The following NTSR1 variants were observed in gnomAD, a reference collection of about 807,000 sequenced individuals.
NTSR1 encodes the protein neurotensin receptor type 1.
Under a neutral mutation model 31.2 loss-of-function variants are expected in NTSR1, and 29 were observed. The observed-to-expected ratio is 0.93, with a 90% CI of 0.69 to 1.27. The LOEUF is 1.27. NTSR1 is among the 50% of genes most tolerant of loss of function. The pLI is 0.00. For synonymous variants in NTSR1, 282 were observed against 269.9 expected (o/e 1.04, Z -0.44); for missense variants, 697 against 595.4 (o/e 1.17, Z -1.78).
In NTSR1 at chr20:62,762,585, G is replaced by T. The variant is rs1248861060; in HGVS notation, c.*2318G>T. ...CTAGCTTGCGGCCAGGTCATGATGTGGCCCCGGAAGCTGGCCCTGCGTGCC... is the reference window on the plus strand; with the variant it reads ...CTAGCTTGCGGCCAGGTCATGATGTTGCCCCGGAAGCTGGCCCTGCGTGCC... On this transcript the variant is annotated 3_prime_UTR_variant, in exon 4 of 4. Coordinates refer to ENST00000370501, the MANE Select transcript of NTSR1 (RefSeq NM_002531.3). 1 of 152,142 alleles carries T rather than the reference G, an allele frequency of 6.6e-6. No homozygotes were observed. Among genetic ancestry groups the T allele is most frequent in the Non-Finnish European group, 1.5e-5 (1 of 68,028 alleles). The allele number at this position is 152,142 out of a possible 1,614,324, so 9.4% of individuals were successfully genotyped here. A position where few individuals can be genotyped will look rare whatever the true frequency, so the allele number is the denominator to read the frequency against.
intron 1 of NTSR1, among the ~76,000 whole-genome samples, chr20:62,726,250 A>G (rs1176181456): frequency 1.3e-5 from 2 of 152,206 alleles, no homozygotes; most frequent in East Asian, 3.8e-4. Context: ...AAACCCAAGC[A>G]CAGGACTCGG....
Position 62,760,069 on chromosome 20 carries a change from C to G in NTSR1, c.1059C>G (p.Phe353Leu). Residue 353 changes from phenylalanine (F) to leucine (L), a missense_variant, in exon 4 of 4, where the codon TTC becomes TTG. Phe to Leu is a conservative substitution (Grantham distance 22). Coordinates refer to ENST00000370501, the MANE Select transcript of NTSR1 (RefSeq NM_002531.3). ...HYFYMVTNAL[F>L]YVSSTINPIL... ...TCTACATGGTGACCAACGCACTCTT[C>G]TACGTCAGCTCCACCATCAACCCCA... 4 of 1,614,136 alleles carry G rather than the reference C, an allele frequency of 2.5e-6. No homozygotes were observed. Among genetic ancestry groups the G allele is most frequent in the Non-Finnish European group, 3.4e-6 (4 of 1,179,994 alleles).
intron 3 of NTSR1, among the ~76,000 whole-genome samples, chr20:62,759,457 G>A (rs1305429316): frequency 6.6e-6 from 1 of 152,226 alleles, no homozygotes; most frequent in Non-Finnish European, 1.5e-5. Context: ...GGATGGACAA[G>A]CAGAGCCCAC....
At position 62,711,745 on chromosome 20, in the gene NTSR1, T is replaced by TGGG. The variant is rs1988620326; in HGVS notation, c.714+1825_714+1827dup. On this transcript the variant is annotated intron_variant, in intron 1 of 3. Coordinates refer to ENST00000370501, the MANE Select transcript of NTSR1 (RefSeq NM_002531.3). The surrounding 1 kb of genome is among the most constrained non-coding windows in gnomAD (Gnocchi z 6.4). The stretch of plus-strand genomic sequence containing the variant: ...CCGGAAAGTGTCCTCCCCGCGTGCG[T>TGGG]GGGCTCTCTGCCAGGTACTTGGGAT... Among the ~76,000 whole-genome samples the TGGG allele has an allele frequency of 1.3e-5, 2 of 152,152 alleles. No homozygotes were observed. Among genetic ancestry groups the TGGG allele is most frequent in the Non-Finnish European group, 2.9e-5 (2 of 68,014 alleles).
chr20:62,736,480 G>A (rs1200312339), intron 1 of NTSR1, among the ~76,000 whole-genome samples: 1 of 152,268 alleles, frequency 6.6e-6, no homozygotes, highest in Non-Finnish European at 1.5e-5. Flanking sequence ...TGGGGAACCA[G>A]GAGAGGGGGT....
chr20:62,761,602 C>T lies in NTSR1; in HGVS notation c.*1335C>T, dbSNP rs766642039. On this transcript the variant is annotated 3_prime_UTR_variant, in exon 4 of 4. Coordinates refer to ENST00000370501, the MANE Select transcript of NTSR1 (RefSeq NM_002531.3). Reference sequence around the variant, plus strand: ...AGGAAGCAAAAGTCAGCCTTTTCTTCAAGGGATTTCCCTGTCTCAGAGCAG... The same window carrying T: ...AGGAAGCAAAAGTCAGCCTTTTCTTTAAGGGATTTCCCTGTCTCAGAGCAG... The T allele has an allele frequency of 1.3e-5, 2 of 152,244 alleles. No individual in the cohort carries two copies. Among genetic ancestry groups the T allele is most frequent in the Non-Finnish European group, 2.9e-5 (2 of 68,052 alleles). The allele number at this position is 152,244 out of a possible 1,614,324, so 9.4% of individuals were successfully genotyped here.
At chr20:62,736,734 C>T (rs1989101239) in intron 1 of NTSR1, among the ~76,000 whole-genome samples, 1 of 152,258 alleles carries the variant, frequency 6.6e-6, no homozygotes, top group Non-Finnish European at 1.5e-5. Flanking sequence ...GCCACATGCA[C>T]ACACCTGGCG....
At chr20:62,720,780 C>T (rs1163682106) in intron 1 of NTSR1, among the ~76,000 whole-genome samples, 1 of 152,034 alleles carries the variant, frequency 6.6e-6, no homozygotes, top group Non-Finnish European at 1.5e-5. Flanking sequence ...ACATGAAATG[C>T]TATAAACATC....
rs1373522820 is a variant in NTSR1 at position 62,732,360 on chromosome 20, C to A, written c.715-22325C>A. Among the ~76,000 whole-genome samples, 1 of 152,176 alleles carries A rather than the reference C, an allele frequency of 6.6e-6. No homozygotes were observed. The highest frequency in any genetic ancestry group is 1.5e-5 in the Non-Finnish European group (1 of 68,034). On this transcript the variant is annotated intron_variant, in intron 1 of 3. Coordinates refer to ENST00000370501, the MANE Select transcript of NTSR1 (RefSeq NM_002531.3). The surrounding 1 kb of genome is among the most constrained non-coding windows in gnomAD (Gnocchi z 4.0). ...CAAGCTGAGGGAGTTCCCTTGTATT[C>A]CTGGCTTGTGAAAGGTTTTTCTCAC...
rs780926789 is a variant in NTSR1 at position 62,760,066 on chromosome 20, C to T, written c.1056C>T (p.Leu352=). ...ACTTCTACATGGTGACCAACGCACT[C>T]TTCTACGTCAGCTCCACCATCAACC... ...YHYFYMVTNA[L]FYVSSTINPI... is the part of the protein sequence containing the mutation. Residue 352 remains leucine (L), a synonymous_variant, in exon 4 of 4, where the codon CTC becomes CTT. Coordinates refer to ENST00000370501, the MANE Select transcript of NTSR1 (RefSeq NM_002531.3). 1.1e-5 allele frequency: 17 copies of T among 1,614,128 alleles called. No homozygotes were observed. Among genetic ancestry groups the T allele is most frequent in the Admixed American group, 3.3e-5 (2 of 60,020 alleles).
rs1019469400 is a variant in NTSR1, at chr20:62,742,854, C to T, written c.715-11831C>T. ...CCATCCCTCTCCCCGCAGTGTTTCCCCAGTTCCAGGGCTGTGAGGTGGTCA... is the reference window on the plus strand; with the variant it reads ...CCATCCCTCTCCCCGCAGTGTTTCCTCAGTTCCAGGGCTGTGAGGTGGTCA... On this transcript the variant is annotated intron_variant, in intron 1 of 3. Transcript: ENST00000370501. The surrounding 1 kb of genome is among the most constrained non-coding windows in gnomAD (Gnocchi z 7.1). Among the ~76,000 whole-genome samples, 1 of 149,506 alleles carries T rather than the reference C, an allele frequency of 6.7e-6. No homozygotes were observed. Among genetic ancestry groups the T allele is most frequent in the Non-Finnish European group, 1.5e-5 (1 of 67,988 alleles).
chr20:62,713,942 A>C (rs1039317496), intron 1 of NTSR1, among the ~76,000 whole-genome samples: 11 of 152,236 alleles, frequency 7.2e-5, no homozygotes, highest in African/African-American at 2.4e-4. Context: ...TCTACTAAAA[A>C]TACAAAAATT....
At chr20:62,719,052 C>A (rs1368714001) in intron 1 of NTSR1, among the ~76,000 whole-genome samples, 2 of 151,004 alleles carry the variant, frequency 1.3e-5, no homozygotes, top group African/African-American at 4.9e-5. Context: ...CTATGACGTC[C>A]AGTATGATGG....
intron 1 of NTSR1, among the ~76,000 whole-genome samples, chr20:62,720,599 T>C (rs1360288926): frequency 2.0e-5 from 3 of 152,188 alleles, no homozygotes; most frequent in Non-Finnish European, 4.4e-5. Context: ...AGCTTTTGAT[T>C]TCATTGATTT....
rs1241462014 is a variant in NTSR1, at chr20:62,715,613, G to A, written c.714+5692G>A. On this transcript the variant is annotated intron_variant, in intron 1 of 3. Coordinates refer to ENST00000370501, the MANE Select transcript of NTSR1 (RefSeq NM_002531.3). This position sits in a 1 kb window ranked among gnomAD's most constrained non-coding sequence, Gnocchi z 4.7. ...TTCAGGCTCACCTGTTCACAGCTCT[G>A]CATTGTGACCCGGGGTCAGCTCTCC... is the stretch of plus-strand genomic sequence containing the variant. 1.3e-5 allele frequency among the ~76,000 whole-genome samples: 2 copies of A among 152,236 alleles called. No individual in the cohort carries two copies. Among genetic ancestry groups the A allele is most frequent in the African/African-American group, 2.4e-5 (1 of 41,466 alleles).
intron 1 of NTSR1, among the ~76,000 whole-genome samples, chr20:62,735,985 A>G (rs1170866957): frequency 6.6e-6 from 1 of 152,234 alleles, no homozygotes; most frequent in African/African-American, 2.4e-5. Flanking sequence ...TGTTCCCTTC[A>G]TTACAAAGAA....
rs755860387 is a variant in NTSR1 at position 62,732,098 on chromosome 20, C to G, written c.714+22177C>G. 7.0e-6 allele frequency among the ~76,000 whole-genome samples: 1 copy of G among 143,782 alleles called. No homozygotes were observed. Among genetic ancestry groups the G allele is most frequent in the East Asian group, 2.1e-4 (1 of 4,864 alleles). The allele number at this position is 143,782 out of a possible 152,430, so 94.3% of individuals were successfully genotyped here. On this transcript the variant is annotated intron_variant, in intron 1 of 3. Coordinates refer to ENST00000370501, the MANE Select transcript of NTSR1 (RefSeq NM_002531.3). This position sits in a 1 kb window ranked among gnomAD's most constrained non-coding sequence, Gnocchi z 4.0. ...TTGTGTCACCATACTCCAGCCTGGG[C>G]GACAGAGTGAGACTCCATTTCAAAA...
chr20:62,717,059 C>A (rs909859899), intron 1 of NTSR1, among the ~76,000 whole-genome samples: 1 of 152,248 alleles, frequency 6.6e-6, no homozygotes, highest in Non-Finnish European at 1.5e-5. Context: ...TCTGCAGCGT[C>A]AATGAAGAAA....
In NTSR1 at chr20:62,760,108, CG is replaced by C. The variant is rs1989590397; in HGVS notation, c.1099del (p.Val367SerfsTer82). ...STINPILYNL[V>X]SANFRHIFLA... ...CCATCAACCCCATCCTGTACAACCTCGTCTCTGCCAACTTCCGCCACATCTT... is the reference window on the plus strand; with the variant it reads ...CCATCAACCCCATCCTGTACAACCTCTCTCTGCCAACTTCCGCCACATCTT... On this transcript the variant is annotated frameshift_variant, in exon 4 of 4. Transcript: ENST00000370501. LOFTEE classifies it high-confidence loss of function. The C allele has an allele frequency of 6.2e-7, 1 of 1,614,086 alleles. No homozygotes were observed. The highest frequency in any genetic ancestry group is 1.3e-5 in the African/African-American group (1 of 74,932).
Sources: gnomAD v4.1 joint callset for allele counts (sites outside exome capture counted in the v4.1 genomes callset) on GRCh38, gnomAD v4.1.1 for gene constraint, Gnocchi (gnomAD v3.1) non-coding constraint, MANE v1.5 for transcripts, NCBI Gene and HGNC (gene_info 2026-07-23, HGNC 2026-07-21) for gene names.